DOCK10: variants seen among roughly 807,000 people sequenced by gnomAD.
DOCK10 encodes the protein dedicator of cytokinesis protein 10.
DOCK10 carries 145 observed loss-of-function variants against 280.1 expected under a neutral mutation model. The observed-to-expected ratio is 0.52, with a 90% CI of 0.45 to 0.59. The LOEUF is 0.59. Ranked by LOEUF, DOCK10 falls within the 20% of genes least tolerant of loss-of-function variation. DOCK10 has a pLI of 0.00. For synonymous variants in DOCK10, 915 were observed against 942.2 expected (o/e 0.97, Z 0.53); for missense variants, 2,368 against 2,651.7 (o/e 0.89, Z 2.35).
intron 51 of DOCK10, among the ~76,000 whole-genome samples, chr2:224,777,688 C>G (rs1275335503): frequency 2.0e-5 from 3 of 152,190 alleles, no homozygotes; most frequent in African/African-American, 7.2e-5. Context: ...TTGTGGGACT[C>G]CACCCTGTGA....
chr2:224,908,116 C>T (rs572317181), intron 3 of DOCK10, among the ~76,000 whole-genome samples: 27 of 148,420 alleles, frequency 1.8e-4, no homozygotes, highest in Admixed American at 6.0e-4. Context: ...AGCCTCTTGC[C>T]GAACGTTCTG....
intron 1 of DOCK10, among the ~76,000 whole-genome samples, chr2:224,971,735 T>C (rs1705097053): frequency 6.6e-6 from 1 of 152,234 alleles, no homozygotes; most frequent in African/African-American, 2.4e-5. Flanking sequence ...GGAATATGAA[T>C]TTACTCTTTC....
chr2:224,963,647 G>A (rs888657294), intron 1 of DOCK10, among the ~76,000 whole-genome samples: 1 of 152,154 alleles, frequency 6.6e-6, no homozygotes, highest in Non-Finnish European at 1.5e-5. Flanking sequence ...TGTAAATGAC[G>A]AGAACGTGAT....
Position 224,849,541 on chromosome 2 carries a change from A to G in DOCK10, c.2201T>C (p.Leu734Pro). The G allele has an allele frequency of 6.2e-7, 1 of 1,612,486 alleles. No homozygotes were observed. Among genetic ancestry groups the G allele is most frequent in the Non-Finnish European group, 8.5e-7 (1 of 1,179,356 alleles). Reference sequence around the variant, plus strand: ...GAAATCCGGATTCTGAGAGTGGTGCAGAACTGCTGTGTAGGCGGCTGAGGT... The same window carrying G: ...GAAATCCGGATTCTGAGAGTGGTGCGGAACTGCTGTGTAGGCGGCTGAGGT... ...LFTSAAYTAV[L>P]HHSQNPDFSD... Residue 734 changes from leucine (L) to proline (P), a missense_variant, in exon 19 of 56, where the codon CTG becomes CCG. This residue lies in a region of DOCK10 where 1,209 missense variants were observed against 1,250.9 expected (regional missense o/e 0.97). Transcript: ENST00000258390.
intron 1 of DOCK10, among the ~76,000 whole-genome samples, chr2:224,951,475 G>A (rs1391695940): frequency 1.3e-5 from 2 of 152,322 alleles, no homozygotes; most frequent in South Asian, 4.1e-4. Flanking sequence ...GCCATTTTCA[G>A]TAGAGAAGAG....
intron 51 of DOCK10, among the ~76,000 whole-genome samples, chr2:224,776,984 G>A (rs1443331792): frequency 2.0e-5 from 3 of 152,204 alleles, no homozygotes; most frequent in Non-Finnish European, 4.4e-5. Flanking sequence ...TTGGCTGTTT[G>A]CACAGGTCCT....
At position 224,970,673 on chromosome 2, in the gene DOCK10, C is replaced by T. The variant is rs1170635673; in HGVS notation, c.124-39005G>A. Among the ~76,000 whole-genome samples the T allele has an allele frequency of 6.6e-6, 1 of 152,210 alleles. No homozygotes were observed. Among genetic ancestry groups the T allele is most frequent in the Non-Finnish European group, 1.5e-5 (1 of 68,038 alleles). On this transcript the variant is annotated intron_variant, in intron 1 of 55. Transcript: ENST00000258390. This position sits in a 1 kb window ranked among gnomAD's most constrained non-coding sequence, Gnocchi z 4.6. Reference sequence around the variant, plus strand: ...ACAGTTGCATTCTGTATCTCCACAGCATCTGTTCTGCTCATAGCTTTACTC... The same window carrying T: ...ACAGTTGCATTCTGTATCTCCACAGTATCTGTTCTGCTCATAGCTTTACTC...
intron 50 of DOCK10, among the ~76,000 whole-genome samples, chr2:224,780,881 CACAGTGAG>C (rs1691280890): frequency 6.7e-6 from 1 of 148,640 alleles, no homozygotes; most frequent in Admixed American, 6.8e-5. Context: ...GCCTGGGTGA[CACAGTGAG>C]ACTCTGTCTA....
At chr2:224,904,067 A>T (rs1700455695) in intron 3 of DOCK10, among the ~76,000 whole-genome samples, 1 of 152,192 alleles carries the variant, frequency 6.6e-6, no homozygotes, top group African/African-American at 2.4e-5. Flanking sequence ...TAGTGTAAAA[A>T]AATTGGGGCG....
chr2:224,894,640 T>G (rs1699879528), intron 4 of DOCK10, among the ~76,000 whole-genome samples: 2 of 152,218 alleles, frequency 1.3e-5, no homozygotes, highest in South Asian at 4.1e-4. Context: ...CTTCCCAACA[T>G]GAAGTTGCAA....
intron 4 of DOCK10, among the ~76,000 whole-genome samples, chr2:224,892,608 T>A (rs1373623740): frequency 6.6e-6 from 1 of 151,670 alleles, no homozygotes; most frequent in Non-Finnish European, 1.5e-5. Flanking sequence ...TAGGAGAAAA[T>A]CCCCTGGCAG....
intron 1 of DOCK10, among the ~76,000 whole-genome samples, chr2:225,010,816 CT>C (rs11318421): frequency 0.054 from 8,244 of 152,070 alleles, 737 homozygotes; most frequent in African/African-American, 0.19. Flanking sequence ...TCCTGCAAAA[CT>C]TTTCCAAGGA....
chr2:224,816,369 G>C (rs893890357), intron 30 of DOCK10, among the ~76,000 whole-genome samples: 2 of 151,624 alleles, frequency 1.3e-5, no homozygotes, highest in Admixed American at 1.3e-4. Flanking sequence ...AATTTTGTTG[G>C]CCTTCTCTTT....
intron 7 of DOCK10, among the ~76,000 whole-genome samples, chr2:224,879,466 A>G (rs1698841543): frequency 2.6e-5 from 4 of 152,216 alleles, no homozygotes; most frequent in Admixed American, 6.5e-5. Context: ...GAATAGAAAT[A>G]GACACTCAGG....
In DOCK10 at chr2:224,908,184, A is replaced by ATGTGTGTGTGTG. The variant is rs71062966; in HGVS notation, c.333+8499_333+8510dup. Among the ~76,000 whole-genome samples the ATGTGTGTGTGTG allele has an allele frequency of 4.2e-3, 620 of 148,514 alleles. 7 individuals carry two copies. Among genetic ancestry groups the ATGTGTGTGTGTG allele is most frequent in the African/African-American group, 0.015 (590 of 40,388 alleles). Reference sequence around the variant, plus strand: ...AAATGAGTTGTGTGTGTGTGTGTGTATGTGTGTGTGTGTGTGTGTATTTTT... The same window carrying ATGTGTGTGTGTG: ...AAATGAGTTGTGTGTGTGTGTGTGTATGTGTGTGTGTGTGTGTGTGTGTGTGTGTGTATTTTT... On this transcript the variant is annotated intron_variant, in intron 3 of 55. Coordinates refer to ENST00000258390, the MANE Select transcript of DOCK10 (RefSeq NM_014689.3).
Position 224,794,881 on chromosome 2 carries a change from C to T in DOCK10, c.5152G>A (p.Glu1718Lys). 6.2e-7 allele frequency: 1 copy of T among 1,613,438 alleles called. No individual in the cohort carries two copies. The highest frequency in any genetic ancestry group is 1.1e-5 in the South Asian group (1 of 91,048). ...KIHARNGDLS[E>K]AAMCYIHIAA... ...ATGACCAAGCCTTGGCTAATCACCTCAGATAAATCTCCGTTTCTGGCATGA... is the reference window on the plus strand; with the variant it reads ...ATGACCAAGCCTTGGCTAATCACCTTAGATAAATCTCCGTTTCTGGCATGA... Residue 1718 changes from glutamate (E) to lysine (K), a missense_variant and splice_region_variant, in exon 45 of 56, where the codon GAG becomes AAG. By Grantham distance (56) the Glu-to-Lys change is moderately conservative (BLOSUM62 1). Coordinates refer to ENST00000258390, the MANE Select transcript of DOCK10 (RefSeq NM_014689.3).
chr2:224,985,776 G>T (rs997608389), intron 1 of DOCK10, among the ~76,000 whole-genome samples: 4 of 152,174 alleles, frequency 2.6e-5, no homozygotes, highest in Admixed American at 6.5e-5. Context: ...CTTGACTAAT[G>T]AATTTAGTTT....
At chr2:224,808,438 T>C (rs1302751735) in intron 31 of DOCK10, among the ~76,000 whole-genome samples, 2 of 152,122 alleles carry the variant, frequency 1.3e-5, no homozygotes, top group African/African-American at 2.4e-5. Context: ...AGATGAGTCT[T>C]TGAGGATACT....
intron 1 of DOCK10, among the ~76,000 whole-genome samples, chr2:224,944,531 G>A (rs188468904): frequency 6.6e-6 from 1 of 152,280 alleles, no homozygotes; most frequent in Non-Finnish European, 1.5e-5. Flanking sequence ...TCTTAACGCA[G>A]GATAGGTATT....
Sources: allele counts gnomAD v4.1 joint callset (sites outside exome capture counted in the v4.1 genomes callset), GRCh38; gene constraint gnomAD v4.1.1; regional missense constraint gnomAD v4.1.1; non-coding constraint Gnocchi (gnomAD v3.1); transcripts MANE v1.5; gene names NCBI Gene and HGNC (gene_info 2026-07-23, HGNC 2026-07-21).